The following CCDC6 variants were observed in gnomAD, a reference collection of about 807,000 sequenced individuals.
CCDC6 encodes coiled-coil domain-containing protein 6.
CCDC6 carries 20 observed loss-of-function variants against 56.6 expected under a neutral mutation model. The ratio of observed to expected loss-of-function variants is 0.35; its 90% CI spans 0.25 to 0.51. CCDC6 has a LOEUF of 0.51. Ranked by LOEUF, CCDC6 falls within the 20% of genes least tolerant of loss-of-function variation. CCDC6 has a pLI of 0.95. For synonymous variants in CCDC6, 241 were observed against 234.4 expected (o/e 1.03, Z -0.26); for missense variants, 367 against 601.1 (o/e 0.61, Z 4.07).
At chr10:59,877,138 C>T (rs1302700800) in intron 1 of CCDC6, among the ~76,000 whole-genome samples, 1 of 152,182 alleles carries the variant, frequency 6.6e-6, no homozygotes, top group African/African-American at 2.4e-5. Flanking sequence ...GACTTAAATG[C>T]CATTACGCAG....
At chr10:59,893,506 G>A (rs1477323131) in intron 1 of CCDC6, among the ~76,000 whole-genome samples, 2 of 152,152 alleles carry the variant, frequency 1.3e-5, no homozygotes, top group African/African-American at 4.8e-5. Flanking sequence ...TCAGGAGGCT[G>A]AGGTGGGAAG....
At chr10:59,812,590 A>G (rs759691793) in intron 5 of CCDC6, 45 bp downstream of exon 5, 1 of 1,413,716 alleles carries the variant, frequency 7.1e-7, no homozygotes, top group South Asian at 1.4e-5. Context: ...TGGTAAAGTT[A>G]TTAATTCTAC....
intron 2 of CCDC6, among the ~76,000 whole-genome samples, chr10:59,843,901 C>A (rs2070965388): frequency 6.6e-6 from 1 of 152,146 alleles, no homozygotes; most frequent in Non-Finnish European, 1.5e-5. Flanking sequence ...TGACCAAAAG[C>A]AATCAACTGA....
chr10:59,841,391 T>C (rs4948374), intron 2 of CCDC6, among the ~76,000 whole-genome samples: 80,468 of 152,100 alleles, frequency 0.53, 23,349 homozygotes, highest in African/African-American at 0.78. Flanking sequence ...GGCACTTAAT[T>C]CCTTCTCTTG....
rs2070804120 is a variant in CCDC6, at chr10:59,828,093, T to A, written c.582+4432A>T. On this transcript the variant is annotated intron_variant, in intron 3 of 8. Coordinates refer to ENST00000263102, the MANE Select transcript of CCDC6 (RefSeq NM_005436.5). ...ACAAGTAAGGAAAATTTTCCCTAAG[T>A]GGCAGAACATATTATTCAGAATAAG... Among the ~76,000 whole-genome samples, 7 of 152,124 alleles carry A rather than the reference T, an allele frequency of 4.6e-5. No individual in the cohort carries two copies. In the South Asian group the frequency reaches 1.4e-3, roughly 31 times the overall value.
intron 5 of CCDC6, among the ~76,000 whole-genome samples, chr10:59,808,864 T>C (rs377079943): frequency 2.0e-5 from 3 of 152,200 alleles, no homozygotes; most frequent in African/African-American, 7.2e-5. Flanking sequence ...ATTACAGATA[T>C]ACAAAAGCTC....
In CCDC6 at chr10:59,789,416, G is replaced by A. The variant is rs975929148; in HGVS notation, c.*3501C>T. The A allele has an allele frequency of 1.7e-5, 4 of 229,346 alleles. No homozygotes were observed. Among genetic ancestry groups the A allele is most frequent in the African/African-American group, 8.9e-5 (4 of 44,950 alleles). The allele number at this position is 229,346 out of a possible 1,614,324, so 14.2% of individuals were successfully genotyped here. A position where few individuals can be genotyped will look rare whatever the true frequency, so the allele number is the denominator to read the frequency against. ...CCCCCACGACTTTATGCTAACAGCTGTGTGTATGTTTTAATCAAAAAATTA... is the reference window on the plus strand; with the variant it reads ...CCCCCACGACTTTATGCTAACAGCTATGTGTATGTTTTAATCAAAAAATTA... On this transcript the variant is annotated 3_prime_UTR_variant, in exon 9 of 9. Transcript: ENST00000263102.
intron 1 of CCDC6, among the ~76,000 whole-genome samples, chr10:59,879,772 C>A (rs534142667): frequency 1.3e-5 from 2 of 152,278 alleles, no homozygotes; most frequent in South Asian, 4.2e-4. Flanking sequence ...CAATATTACT[C>A]AACCAAAGCC....
intron 3 of CCDC6, among the ~76,000 whole-genome samples, chr10:59,819,493 C>A (rs542909295): frequency 6.6e-6 from 1 of 152,270 alleles, no homozygotes; most frequent in Non-Finnish European, 1.5e-5. Flanking sequence ...ACTTCCTGCC[C>A]ACCTAATTCC....
At chr10:59,884,953 G>C (rs1214346657) in intron 1 of CCDC6, among the ~76,000 whole-genome samples, 1 of 151,944 alleles carries the variant, frequency 6.6e-6, no homozygotes, top group African/African-American at 2.4e-5. Flanking sequence ...AGTCCCAGCT[G>C]CTTGGGAGGC....
intron 1 of CCDC6, among the ~76,000 whole-genome samples, chr10:59,900,008 AGAG>A (rs1253662505): frequency 2.0e-5 from 3 of 152,220 alleles, no homozygotes; most frequent in Non-Finnish European, 4.4e-5. Context: ...GGTCCCAGAG[AGAG>A]TGTTGGCACC....
intron 1 of CCDC6, among the ~76,000 whole-genome samples, chr10:59,899,602 C>T (rs1362480381): frequency 6.6e-6 from 1 of 152,218 alleles, no homozygotes; most frequent in African/African-American, 2.4e-5. Flanking sequence ...ATTACTGCAT[C>T]CCCCTGCAAT....
chr10:59,789,383 G>T lies in CCDC6; in HGVS notation c.*3534C>A. On this transcript the variant is annotated 3_prime_UTR_variant, in exon 9 of 9. Coordinates refer to ENST00000263102, the MANE Select transcript of CCDC6 (RefSeq NM_005436.5). ...TTAATCAGAACTGCTGAGCATTCCA[G>T]AAAATGCCCCCCACGACTTTATGCT... is the stretch of plus-strand genomic sequence containing the variant. The T allele has an allele frequency of 4.4e-6, 1 of 229,176 alleles. No individual in the cohort carries two copies. Among genetic ancestry groups the T allele is most frequent in the East Asian group, 6.2e-5 (1 of 16,116 alleles). The allele number at this position is 229,176 out of a possible 1,614,324, so 14.2% of individuals were successfully genotyped here.
chr10:59,837,229 A>C (rs2070890373), intron 2 of CCDC6, among the ~76,000 whole-genome samples: 1 of 152,246 alleles, frequency 6.6e-6, no homozygotes, highest in Non-Finnish European at 1.5e-5. Context: ...GAGGCATTGA[A>C]AATCATTTAC....
At position 59,852,548 on chromosome 10, in the gene CCDC6, T is replaced by C. The variant is rs367961115; in HGVS notation, c.453+5A>G. On this transcript the variant is annotated splice_donor_5th_base_variant and intron_variant, in intron 2 of 8. Coordinates refer to ENST00000263102, the MANE Select transcript of CCDC6 (RefSeq NM_005436.5). The stretch of plus-strand genomic sequence containing the variant: ...GAAGATGAGGGAGTAGAAAAGATAA[T>C]TTACCTGCATCAATTTTCTGGAGAG... The C allele has an allele frequency of 3.0e-5, 47 of 1,566,494 alleles. No individual in the cohort carries two copies. Among genetic ancestry groups the C allele is most frequent in the East Asian group, 4.6e-5 (2 of 43,264 alleles).
At chr10:59,817,243 C>T (rs773291944) in intron 3 of CCDC6, among the ~76,000 whole-genome samples, 8 of 152,124 alleles carry the variant, frequency 5.3e-5, no homozygotes, top group South Asian at 2.1e-4. Flanking sequence ...TGCAGTGGCA[C>T]GATCATGGAT....
intron 7 of CCDC6, among the ~76,000 whole-genome samples, chr10:59,798,961 T>TC (rs1432525426): frequency 8.1e-6 from 1 of 123,374 alleles, no homozygotes; most frequent in South Asian, 2.6e-4. Flanking sequence ...GCCACTGCAC[T>TC]CCAGCCTGCG....
chr10:59,904,187 A>G (rs200595320), intron 1 of CCDC6, among the ~76,000 whole-genome samples: 1 of 47,454 alleles, frequency 2.1e-5, no homozygotes, highest in Non-Finnish European at 7.6e-5. Flanking sequence ...GTTGGATGTC[A>G]GTGTAGTTAA....
At chr10:59,813,841 T>C (rs1422190160) in intron 4 of CCDC6, among the ~76,000 whole-genome samples, 3 of 152,242 alleles carry the variant, frequency 2.0e-5, no homozygotes, top group Admixed American at 6.5e-5. Flanking sequence ...CTATGTGGTA[T>C]GCCTGTATTT....
Sources: gnomAD v4.1 joint callset for allele counts (sites outside exome capture counted in the v4.1 genomes callset) on GRCh38, gnomAD v4.1.1 for gene constraint, MANE v1.5 for transcripts, NCBI Gene and HGNC (gene_info 2026-07-23, HGNC 2026-07-21) for gene names.